ZFAND5: variants seen among roughly 807,000 people sequenced by gnomAD.
The protein encoded by ZFAND5 is AN1-type zinc finger protein 5.
ZFAND5 carries 4 observed loss-of-function variants against 23.6 expected under a neutral mutation model. The observed-to-expected ratio is 0.17, with a 90% CI of 0.08 to 0.39. ZFAND5 has a LOEUF of 0.39. Ranked by LOEUF, ZFAND5 falls within the 10% of genes least tolerant of loss-of-function variation. The pLI, the probability that ZFAND5 is intolerant of heterozygous loss-of-function variation, is 1.00. For missense variants in ZFAND5, 161 were observed against 253.7 expected, an observed-to-expected ratio of 0.63 and a Z score of 2.48; for synonymous variants, 68 against 80.6, an observed-to-expected ratio of 0.84 and a Z score of 0.84.
intron 4 of ZFAND5, 21 bp downstream of exon 4, chr9:72,360,089 C>T: frequency 6.3e-7 from 1 of 1,591,938 alleles, no homozygotes; most frequent in South Asian, 1.1e-5. Context: ...ATCATAAAAA[C>T]TCTGAAACGT....
intron 2 of ZFAND5, among the ~76,000 whole-genome samples, chr9:72,363,157 G>A (rs1842153145): frequency 6.6e-6 from 1 of 152,192 alleles, no homozygotes; most frequent in African/African-American, 2.4e-5. Flanking sequence ...TGAGGATTTA[G>A]GGGATGAAGT....
chr9:72,359,654 T>TA (rs917003668), intron 4 of ZFAND5, 133 bp from the exon 5 acceptor site: 854 of 823,024 alleles, frequency 1.0e-3, no homozygotes, highest in African/African-American at 2.0e-3. Context: ...ATCTAAAGTT[T>TA]AAAAAAAAAT....
chr9:72,360,285 C>T (rs1243253159), intron 3 of ZFAND5, 64 bp from the exon 4 acceptor site: 54 of 1,342,206 alleles, frequency 4.0e-5, no homozygotes, highest in Admixed American at 3.3e-4. Context: ...AGTATCAAGA[C>T]GTAGTAATAA....
intron 1 of ZFAND5, 136 bp from the exon 2 acceptor site, chr9:72,363,742 TA>T (rs532380514): frequency 2.4e-5 from 16 of 678,128 alleles, no homozygotes; most frequent in African/African-American, 3.9e-5. Flanking sequence ...GCCTACTCTT[TA>T]AAAAAAATCC....
intron 1 of ZFAND5, chr9:72,364,189 C>G (rs1000067963): frequency 4.5e-6 from 1 of 223,932 alleles, no homozygotes; most frequent in South Asian, 4.6e-5. Context: ...GGGCCCTCTC[C>G]GAAAACCACT....
rs1188672762 is a variant in ZFAND5 at position 72,354,855 on chromosome 9, A to T, written c.*1098T>A. Reference sequence around the variant, plus strand: ...CTGCCTTTTCTAGTTGTTATTGTACAATGCTGTAGATAATGCAGCCCATGC... The same window carrying T: ...CTGCCTTTTCTAGTTGTTATTGTACTATGCTGTAGATAATGCAGCCCATGC... On this transcript the variant is annotated 3_prime_UTR_variant, in exon 7 of 7. Coordinates refer to ENST00000376962, the MANE Select transcript of ZFAND5 (RefSeq NM_001102420.3). 6.6e-6 allele frequency: 1 copy of T among 152,664 alleles called. No individual in the cohort carries two copies. The highest frequency in any genetic ancestry group is 2.4e-5 in the African/African-American group (1 of 41,468). The allele number at this position is 152,664 out of a possible 1,614,324, so 9.5% of individuals were successfully genotyped here.
Position 72,352,084 on chromosome 9 carries a change from GGAGATC to G in ZFAND5, c.*3863_*3868del, listed in dbSNP as rs1483255686. The stretch of plus-strand genomic sequence containing the variant: ...CCGGGGTGGGCGGATCATGAGGTCA[GGAGATC>G]GAGACCACCCTGGCTAACACGGTGA... On this transcript the variant is annotated 3_prime_UTR_variant, in exon 7 of 7. Transcript: ENST00000376962. The G allele has an allele frequency of 1.3e-5, 2 of 152,148 alleles. No individual in the cohort carries two copies. The highest frequency in any genetic ancestry group is 4.8e-5 in the African/African-American group (2 of 41,394). The allele number at this position is 152,148 out of a possible 1,614,324, so 9.4% of individuals were successfully genotyped here. A position where few individuals can be genotyped will look rare whatever the true frequency, so the allele number is the denominator to read the frequency against.
chr9:72,360,249 C>A (rs758103858), intron 3 of ZFAND5, 28 bp from the exon 4 acceptor site: 1 of 1,570,398 alleles, frequency 6.4e-7, no homozygotes, highest in Non-Finnish European at 8.7e-7. Context: ...TTGTAAGGAA[C>A]CAATGAACAC....
chr9:72,362,619 T>C (rs1842137236), intron 2 of ZFAND5, among the ~76,000 whole-genome samples: 1 of 152,232 alleles, frequency 6.6e-6, no homozygotes, highest in African/African-American at 2.4e-5. Context: ...CCAACTTTGC[T>C]TCAGAGAACA....
chr9:72,362,153 A>C (rs1842123274), intron 2 of ZFAND5, among the ~76,000 whole-genome samples: 1 of 152,200 alleles, frequency 6.6e-6, no homozygotes, highest in Non-Finnish European at 1.5e-5. Context: ...ACTTACTTTT[A>C]ACAACAGTAT....
At chr9:72,358,558 C>T (rs1400142320) in intron 5 of ZFAND5, among the ~76,000 whole-genome samples, 1 of 152,078 alleles carries the variant, frequency 6.6e-6, no homozygotes, top group African/African-American at 2.4e-5. Flanking sequence ...GCATCACGGG[C>T]AAACTAATGT....
At chr9:72,360,048 A>T in intron 4 of ZFAND5, 62 bp downstream of exon 4, 1 of 1,368,410 alleles carries the variant, frequency 7.3e-7, no homozygotes, top group Non-Finnish European at 1.0e-6. Context: ...TTATTGGACC[A>T]GTACAGACAT....
intron 1 of ZFAND5, 61 bp downstream of exon 1, chr9:72,364,635 C>T (rs1842211325): frequency 8.5e-7 from 1 of 1,169,832 alleles, no homozygotes; most frequent in Non-Finnish European, 1.1e-6. Context: ...GGTCCCTTCA[C>T]TCCCGCCCCC....
chr9:72,355,764 G>A lies in ZFAND5; in HGVS notation c.*189C>T. ...TCAGGGGAGGGCATATACATTTGTA[G>A]GGCTGTATCTATCCAATTCTGCCTG... On this transcript the variant is annotated 3_prime_UTR_variant, in exon 7 of 7. Transcript: ENST00000376962. The A allele has an allele frequency of 2.0e-6, 1 of 509,742 alleles. No homozygotes were observed. The highest frequency in any genetic ancestry group is 3.5e-5 in the South Asian group (1 of 28,704). 31.6% of individuals were successfully genotyped at this position (509,742 alleles called of 1,614,324 possible).
At chr9:72,360,328 C>A in intron 3 of ZFAND5, 107 bp from the exon 4 acceptor site, 1 of 988,714 alleles carries the variant, frequency 1.0e-6, no homozygotes, top group Non-Finnish European at 1.5e-6. Context: ...GTGATATAAG[C>A]ATTCACTGTG....
chr9:72,360,754 G>C lies in ZFAND5; in HGVS notation c.25C>G (p.Pro9Ala). 6.2e-7 allele frequency: 1 copy of C among 1,609,852 alleles called. No individual in the cohort carries two copies. The highest frequency in any genetic ancestry group is 8.5e-7 in the Non-Finnish European group (1 of 1,176,788). MAQETNQT[P>A]GPMLCSTGCG... ...CCTGTGCTACACAGCATGGGCCCCG[G>C]GGTCTGGTTAGTCTCCTGAGCCATA... The change falls in exon 3 of 7, where the codon CCG (proline) becomes GCG (alanine). Residue 9 changes from proline to alanine, a missense_variant. Pro to Ala is a conservative substitution (Grantham distance 27). Coordinates refer to ENST00000376962, the MANE Select transcript of ZFAND5 (RefSeq NM_001102420.3).
chr9:72,357,443 C>G (rs1841975382), intron 5 of ZFAND5, among the ~76,000 whole-genome samples: 1 of 152,118 alleles, frequency 6.6e-6, no homozygotes, highest in South Asian at 2.1e-4. Flanking sequence ...CAGGGCAGTT[C>G]AAATTCATTA....
chr9:72,363,655 A>AG, intron 1 of ZFAND5, 49 bp from the exon 2 acceptor site: 4 of 983,200 alleles, frequency 4.1e-6, no homozygotes, highest in Non-Finnish European at 4.8e-6. Context: ...TTAATTTTTT[A>AG]GGGGGGTGTG....
intron 5 of ZFAND5, among the ~76,000 whole-genome samples, chr9:72,357,894 A>G (rs913972628): frequency 1.3e-5 from 2 of 152,172 alleles, no homozygotes; most frequent in Admixed American, 6.5e-5. Flanking sequence ...AAAATACATT[A>G]CTGTACTAAA....
Sources: allele counts gnomAD v4.1 joint callset (sites outside exome capture counted in the v4.1 genomes callset), GRCh38; gene constraint gnomAD v4.1.1; transcripts MANE v1.5; gene names NCBI Gene and HGNC (gene_info 2026-07-23, HGNC 2026-07-21).